The following RYR2 variants were observed in gnomAD, a reference collection of about 807,000 sequenced individuals.
The protein encoded by RYR2 is ryanodine receptor 2, also known as cardiac muscle ryanodine receptor-calcium release channel.
RYR2 carries 227 observed loss-of-function variants against 601.1 expected under a neutral mutation model. The ratio of observed to expected loss-of-function variants is 0.38; its 90% CI spans 0.34 to 0.42. The LOEUF is 0.42. RYR2 is among the 10% of genes least tolerant of loss of function. The pLI is 1.00. For missense variants in RYR2, 4,646 were observed against 6,156.5 expected, an observed-to-expected ratio of 0.75 and a Z score of 8.21; for synonymous variants, 2,223 against 2,175.1, an observed-to-expected ratio of 1.02 and a Z score of -0.61.
chr1:237,743,879 G>T (rs1691830874), intron 80 of RYR2, among the ~76,000 whole-genome samples: 1 of 152,204 alleles, frequency 6.6e-6, no homozygotes, highest in African/African-American at 2.4e-5. Context: ...ATACTGTGCT[G>T]GGATAAAGGA....
At position 237,627,653 on chromosome 1, in the gene RYR2, T is replaced by G. The variant is rs556801410; in HGVS notation, c.6167-154T>G. 2.6e-5 allele frequency among the ~76,000 whole-genome samples: 4 copies of G among 152,348 alleles called. No homozygotes were observed. The South Asian group carries it at 8.3e-4, about 32-fold the overall frequency. On this transcript the variant is annotated intron_variant, in intron 40 of 104. Coordinates refer to ENST00000366574, the MANE Select transcript of RYR2 (RefSeq NM_001035.3). ...CTGTATTGAAATATGTATCATCCAA[T>G]GAAGGTTATTTTCTTCAAAGAATAT...
At chr1:237,331,765 T>G (rs377569536) in intron 3 of RYR2, among the ~76,000 whole-genome samples, 2 of 151,860 alleles carry the variant, frequency 1.3e-5, no homozygotes, top group Non-Finnish European at 1.5e-5. Context: ...CTGCCCACCT[T>G]GGCCTCCCAA....
At chr1:237,107,301 C>T (rs934472072) in intron 1 of RYR2, among the ~76,000 whole-genome samples, 1 of 151,426 alleles carries the variant, frequency 6.6e-6, no homozygotes, top group Non-Finnish European at 1.5e-5. Context: ...GCGGGCGGAT[C>T]ACGAGGTCAG....
At chr1:237,593,386 TCA>T in intron 32 of RYR2, 88 bp from the exon 33 acceptor site, 1 of 1,300,106 alleles carries the variant, frequency 7.7e-7, no homozygotes, top group Non-Finnish European at 1.0e-6. Flanking sequence ...CTTAAGTCAT[TCA>T]CAGACTTAGA....
intron 17 of RYR2, among the ~76,000 whole-genome samples, chr1:237,477,328 T>C (rs1369124888): frequency 6.6e-6 from 1 of 150,640 alleles, no homozygotes; most frequent in Admixed American, 6.6e-5. Flanking sequence ...GAGGCAGAGG[T>C]TGCAGTGAGC....
rs71561882 is a variant in RYR2, at chr1:237,529,760, T to TACACACACACACACACACAC, written c.2823-648_2823-629dup. On this transcript the variant is annotated intron_variant, in intron 24 of 104. Coordinates refer to ENST00000366574, the MANE Select transcript of RYR2 (RefSeq NM_001035.3). ...TATAAAAGGTAAAACAATAATATCA[T>TACACACACACACACACACAC]ACACACACACACACACACACACACA... 6.9e-3 allele frequency among the ~76,000 whole-genome samples: 923 copies of TACACACACACACACACACAC among 134,536 alleles called. 6 individuals carry two copies. Among genetic ancestry groups the TACACACACACACACACACAC allele is most frequent in the African/African-American group, 0.014 (490 of 35,748 alleles). The allele number at this position is 134,536 out of a possible 152,430, so 88.3% of individuals were successfully genotyped here.
chr1:237,462,187 A>G (rs978360896), intron 16 of RYR2, among the ~76,000 whole-genome samples: 1 of 152,170 alleles, frequency 6.6e-6, no homozygotes, highest in Non-Finnish European at 1.5e-5. Flanking sequence ...CGTTATTCGA[A>G]ATAGGTAGAC....
chr1:237,675,297 T>C (rs1373562350), intron 60 of RYR2, among the ~76,000 whole-genome samples: 2 of 152,136 alleles, frequency 1.3e-5, no homozygotes, highest in Non-Finnish European at 2.9e-5. Flanking sequence ...CAGAATACTT[T>C]ATTATTGCTC....
intron 2 of RYR2, among the ~76,000 whole-genome samples, chr1:237,315,428 A>G (rs974766364): frequency 2.6e-5 from 4 of 152,122 alleles, no homozygotes; most frequent in African/African-American, 4.8e-5. Flanking sequence ...TTATTTAAAT[A>G]TATAAGTTAT....
At chr1:237,436,454 C>CTTTTGTTTTTTTTTTTTTTTTTTTTTT (rs1707369405) in intron 12 of RYR2, among the ~76,000 whole-genome samples, 1 of 48,730 alleles carries the variant, frequency 2.1e-5, no homozygotes. Context: ...TGTGATTTTC[C>CTTTTGTTTTTTTTTTTTTTTTTTTTTT]TTTTTTTTTT....
At chr1:237,488,721 T>TC (rs1662980802) in intron 17 of RYR2, among the ~76,000 whole-genome samples, 1 of 151,954 alleles carries the variant, frequency 6.6e-6, no homozygotes, top group Non-Finnish European at 1.5e-5. Context: ...TGTAATATTC[T>TC]CCCCCGCCCT....
intron 97 of RYR2, among the ~76,000 whole-genome samples, chr1:237,800,404 A>G (rs977541257): frequency 6.6e-6 from 1 of 152,124 alleles, no homozygotes; most frequent in Non-Finnish European, 1.5e-5. Flanking sequence ...TAGTTCAAAG[A>G]TAACTTTATT....
chr1:237,153,661 TTA>T lies in RYR2; in HGVS notation c.48+111093_48+111094del, dbSNP rs1229410527. ...ACTATAATCAATAAATCTTTTTTTT[TTA>T]ATTTTCCCAATAATTTTGCAGACAA... On this transcript the variant is annotated intron_variant, in intron 1 of 104. Transcript: ENST00000366574. Among the ~76,000 whole-genome samples the T allele has an allele frequency of 7.6e-4, 91 of 120,146 alleles. 1 individual carries two copies. The highest frequency in any genetic ancestry group is 4.5e-3 in the Middle Eastern group (1 of 220). The allele number at this position is 120,146 out of a possible 152,430, so 78.8% of individuals were successfully genotyped here. A position where few individuals can be genotyped will look rare whatever the true frequency, so the allele number is the denominator to read the frequency against.
At chr1:237,831,628 C>T (rs1663804446) in intron 104 of RYR2, 63 bp downstream of exon 104, 1 of 969,070 alleles carries the variant, frequency 1.0e-6, no homozygotes, top group Non-Finnish European at 1.6e-6. Flanking sequence ...AATATCAGAA[C>T]AAAATGTGTG....
At position 237,536,860 on chromosome 1, in the gene RYR2, T is replaced by C. The variant is rs559847729; in HGVS notation, c.2906+6350T>C. ...GAGATCGCGCCACTGCACTCCAGCCTGGGCGACAGAGCGAGACTCCATCTC... is the reference window on the plus strand; with the variant it reads ...GAGATCGCGCCACTGCACTCCAGCCCGGGCGACAGAGCGAGACTCCATCTC... On this transcript the variant is annotated intron_variant, in intron 25 of 104. Transcript: ENST00000366574. 5.5e-3 allele frequency among the ~76,000 whole-genome samples: 822 copies of C among 149,180 alleles called. 14 individuals are homozygous for C. The highest frequency in any genetic ancestry group is 0.019 in the African/African-American group (775 of 39,870).
At chr1:237,215,726 T>C (rs1235682011) in intron 1 of RYR2, among the ~76,000 whole-genome samples, 1 of 152,180 alleles carries the variant, frequency 6.6e-6, no homozygotes, top group Non-Finnish European at 1.5e-5. Flanking sequence ...TGGTAGGTAC[T>C]TTCCATGATA....
intron 88 of RYR2, among the ~76,000 whole-genome samples, chr1:237,780,076 A>C (rs533062050): frequency 6.6e-6 from 1 of 152,230 alleles, no homozygotes; most frequent in Non-Finnish European, 1.5e-5. Flanking sequence ...CAGGTACTTT[A>C]GTGGAGGGCT....
chr1:237,152,048 C>T (rs987120603), intron 1 of RYR2, among the ~76,000 whole-genome samples: 2 of 152,028 alleles, frequency 1.3e-5, no homozygotes, highest in Non-Finnish European at 2.9e-5. Context: ...TGTTCCCCTC[C>T]CTGCGTCCAT....
intron 60 of RYR2, among the ~76,000 whole-genome samples, chr1:237,675,528 G>A (rs1481284660): frequency 2.0e-5 from 3 of 152,180 alleles, no homozygotes; most frequent in Non-Finnish European, 4.4e-5. Context: ...GTAATACGAT[G>A]TAAGGAATTC....
Sources: gnomAD v4.1 joint callset for allele counts (sites outside exome capture counted in the v4.1 genomes callset) on GRCh38, gnomAD v4.1.1 for gene constraint, MANE v1.5 for transcripts, NCBI Gene and HGNC (gene_info 2026-07-23, HGNC 2026-07-21) for gene names.